The following MDFIC variants were observed in gnomAD, a reference collection of about 807,000 sequenced individuals.
MDFIC encodes myoD family inhibitor domain-containing protein.
In MDFIC, 17 loss-of-function variants were observed where a neutral mutation model predicts 23.2. The observed-to-expected ratio is 0.73, with a 90% CI of 0.50 to 1.10. The LOEUF is 1.10. Ranked by LOEUF, MDFIC falls within the 50% of genes least tolerant of loss-of-function variation. The pLI, the probability that MDFIC is intolerant of heterozygous loss-of-function variation, is 0.00. For missense variants in MDFIC, 356 were observed against 316.6 expected (o/e 1.12, Z -0.95); for synonymous variants, 120 against 115.2 (o/e 1.04, Z -0.27).
At chr7:115,001,817 A>G (rs1193714726) in intron 4 of MDFIC, among the ~76,000 whole-genome samples, 3 of 152,178 alleles carry the variant, frequency 2.0e-5, no homozygotes, top group Non-Finnish European at 2.9e-5. Flanking sequence ...AAAAAAATAT[A>G]TATGTATGTG....
chr7:114,922,736 C>A, intron 1 of MDFIC, 100 bp downstream of exon 1: 3 of 1,336,380 alleles, frequency 2.2e-6, no homozygotes, highest in South Asian at 1.7e-5. Flanking sequence ...CCCGCTGGGT[C>A]CACCTCGGAC....
chr7:114,970,920 G>A (rs923565885), intron 3 of MDFIC, among the ~76,000 whole-genome samples: 7 of 152,102 alleles, frequency 4.6e-5, no homozygotes, highest in East Asian at 1.9e-4. Flanking sequence ...ACTCACCAGC[G>A]CTTGAACCAC....
At chr7:114,933,765 C>G (rs1443934728) in intron 2 of MDFIC, 3 of 152,164 alleles carry the variant, frequency 2.0e-5, no homozygotes, top group Non-Finnish European at 4.4e-5. Flanking sequence ...ACAGAGAAGA[C>G]AGAAGAACAT....
At chr7:114,978,174 T>C (rs905855483) in intron 3 of MDFIC, among the ~76,000 whole-genome samples, 5 of 151,946 alleles carry the variant, frequency 3.3e-5, no homozygotes, top group African/African-American at 1.2e-4. Context: ...CCTGGTCCAA[T>C]GCTGTACTGC....
intron 3 of MDFIC, among the ~76,000 whole-genome samples, chr7:114,979,302 A>G (rs972402021): frequency 4.6e-5 from 7 of 152,108 alleles, no homozygotes; most frequent in Non-Finnish European, 7.4e-5. Context: ...CCCACTTTTG[A>G]TGACCCCGTT....
chr7:114,983,724 C>A (rs984738267), intron 4 of MDFIC, among the ~76,000 whole-genome samples: 1 of 151,818 alleles, frequency 6.6e-6, no homozygotes, highest in Non-Finnish European at 1.5e-5. Context: ...CCCACCACCA[C>A]GCCTGGCTAA....
chr7:114,960,041 G>A (rs971076437), intron 3 of MDFIC, among the ~76,000 whole-genome samples: 55 of 151,880 alleles, frequency 3.6e-4, no homozygotes, highest in Middle Eastern at 3.4e-3. Context: ...TCTGTGATTC[G>A]GATACTAATC....
At chr7:114,995,974 A>C (rs1791319056) in intron 4 of MDFIC, among the ~76,000 whole-genome samples, 1 of 152,196 alleles carries the variant, frequency 6.6e-6, no homozygotes, top group African/African-American at 2.4e-5. Context: ...GCATTGTGTT[A>C]TTCTTGAAGG....
chr7:114,922,977 C>G lies in MDFIC; in HGVS notation c.-57C>G, dbSNP rs1386171484. On this transcript the variant is annotated 5_prime_UTR_variant, in exon 2 of 5. Transcript: ENST00000393486. ...ACCTCACAGCCCTTCCTCCGTGCGC[C>G]CTGCCGGGCGGCGAGCTAGGCGGCA... The G allele has an allele frequency of 3.9e-6, 6 of 1,545,760 alleles. No individual in the cohort carries two copies. The Admixed American group carries it at 1.1e-4, about 29-fold the overall frequency.
intron 4 of MDFIC, among the ~76,000 whole-genome samples, chr7:115,004,636 G>A (rs1585121861): frequency 6.6e-6 from 1 of 152,180 alleles, no homozygotes; most frequent in African/African-American, 2.4e-5. Flanking sequence ...GTAGTCAAAT[G>A]CTCAATGAAG....
chr7:114,967,918 T>G (rs1416004592), intron 3 of MDFIC, among the ~76,000 whole-genome samples: 2 of 150,572 alleles, frequency 1.3e-5, no homozygotes, highest in East Asian at 2.0e-4. Context: ...AGCCTAGACC[T>G]CCCAGTCTCA....
At position 115,019,166 on chromosome 7, in the gene MDFIC, A is replaced by G. The variant is rs552167361; in HGVS notation, c.*3231A>G. The G allele has an allele frequency of 6.6e-6, 1 of 152,206 alleles. No individual in the cohort carries two copies. Among genetic ancestry groups the G allele is most frequent in the African/African-American group, 2.4e-5 (1 of 41,574 alleles). The allele number at this position is 152,206 out of a possible 1,614,324, so 9.4% of individuals were successfully genotyped here. ...ATATATGAAATTGAGTCTTAGATTT[A>G]ATGAATTTCACTCGAAAATAAATGA... is the stretch of plus-strand genomic sequence containing the variant. On this transcript the variant is annotated 3_prime_UTR_variant, in exon 5 of 5. Transcript: ENST00000393486.
intron 4 of MDFIC, among the ~76,000 whole-genome samples, chr7:115,000,456 A>G (rs537316823): frequency 1.3e-5 from 2 of 152,286 alleles, no homozygotes; most frequent in South Asian, 4.1e-4. Flanking sequence ...AAAATACTTT[A>G]TCTCCATGGC....
At chr7:114,954,205 C>A (rs190215029) in intron 3 of MDFIC, among the ~76,000 whole-genome samples, 2 of 152,192 alleles carry the variant, frequency 1.3e-5, no homozygotes, top group Admixed American at 1.3e-4. Flanking sequence ...GGTTTTGAAA[C>A]CAGAAATTCA....
At chr7:114,957,055 CTG>C (rs1792897930) in intron 3 of MDFIC, among the ~76,000 whole-genome samples, 2 of 152,188 alleles carry the variant, frequency 1.3e-5, no homozygotes, top group African/African-American at 2.4e-5. Flanking sequence ...TAGTTTTACT[CTG>C]TAACACTTTT....
At chr7:115,014,917 T>G (rs1473111982) in intron 4 of MDFIC, among the ~76,000 whole-genome samples, 1 of 152,218 alleles carries the variant, frequency 6.6e-6, no homozygotes, top group East Asian at 1.9e-4. Flanking sequence ...TAGAGAGGCA[T>G]TACATTATTA....
rs150493653 is a variant in MDFIC, at chr7:114,982,467, A to T, written c.493+2686A>T. ...CAGTTTGAGAGGGCCACTGGGGAGG[A>T]TCGCTTGAGACCAGGAGTTCAAGAC... On this transcript the variant is annotated intron_variant, in intron 4 of 4. Transcript: ENST00000393486. Among the ~76,000 whole-genome samples, 654 of 152,020 alleles carry T rather than the reference A, an allele frequency of 4.3e-3. 2 individuals carry two copies. The highest frequency in any genetic ancestry group is 7.1e-3 in the Non-Finnish European group (484 of 67,960).
At position 114,923,063 on chromosome 7, in the gene MDFIC, C is replaced by G. The variant is rs1360394201; in HGVS notation, c.30C>G (p.Pro10=). MSGAGEALA[P]GPVGPQRVAE... The stretch of plus-strand genomic sequence containing the variant: ...CCGGCGCGGGCGAAGCCCTCGCTCC[C>G]GGGCCCGTGGGGCCGCAGCGCGTGG... Residue 10 remains proline, a synonymous_variant, in exon 2 of 5, where the codon CCC becomes CCG. Coordinates refer to ENST00000393486, the MANE Select transcript of MDFIC (RefSeq NM_001166345.3). 2.3e-5 allele frequency: 32 copies of G among 1,394,340 alleles called. No homozygotes were observed. The highest frequency in any genetic ancestry group is 2.9e-5 in the Non-Finnish European group (31 of 1,076,268). 86.4% of individuals were successfully genotyped at this position (1,394,340 alleles called of 1,614,324 possible).
At chr7:114,987,870 T>TA (rs1793540926) in intron 4 of MDFIC, among the ~76,000 whole-genome samples, 1 of 152,204 alleles carries the variant, frequency 6.6e-6, no homozygotes, top group Non-Finnish European at 1.5e-5. Context: ...GGGCCAAAAG[T>TA]AAACATTTAA....
Sources: gnomAD v4.1 joint callset for allele counts (sites outside exome capture counted in the v4.1 genomes callset) on GRCh38, gnomAD v4.1.1 for gene constraint, MANE v1.5 for transcripts, NCBI Gene and HGNC (gene_info 2026-07-23, HGNC 2026-07-21) for gene names.